The following DNAH5 variants were observed in gnomAD, a reference collection of about 807,000 sequenced individuals.
The protein encoded by DNAH5 is dynein axonemal heavy chain 5, also known as axonemal beta dynein heavy chain 5.
In DNAH5, 372 loss-of-function variants were observed where a neutral mutation model predicts 518.2. That is an observed-to-expected ratio of 0.72 (90% CI 0.66 to 0.78). The LOEUF is 0.78. Among genes scored for constraint, DNAH5 ranks in the 30% least tolerant of loss-of-function variants. The probability of loss-of-function intolerance (pLI) is 0.00; values close to 1 mark genes in which losing one functional copy is unlikely to be tolerated. For synonymous variants in DNAH5, 2,039 were observed against 2,025.9 expected (o/e 1.01, Z -0.17); for missense variants, 5,523 against 5,687.0 (o/e 0.97, Z 0.93).
At chr5:13,852,053 G>A (rs570074772) in intron 30 of DNAH5, among the ~76,000 whole-genome samples, 16 of 151,816 alleles carry the variant, frequency 1.1e-4, no homozygotes, top group Non-Finnish European at 1.9e-4. Flanking sequence ...CAGATACTAT[G>A]CTTTCCCCAT....
At chr5:13,920,395 G>A in intron 6 of DNAH5, 85 bp downstream of exon 6, 1 of 1,562,582 alleles carries the variant, frequency 6.4e-7, no homozygotes. Context: ...TTAACAAATG[G>A]AATGTCGTAT....
chr5:13,859,318 TTAACA>T, intron 30 of DNAH5, 129 bp downstream of exon 30: 1 of 934,210 alleles, frequency 1.1e-6, no homozygotes, highest in Non-Finnish European at 1.7e-6. Flanking sequence ...AATAACAGCA[TTAACA>T]GTGACAACAA....
Position 13,788,866 on chromosome 5 carries a change from G to A in DNAH5, c.8497C>T (p.Arg2833Cys), listed in dbSNP as rs766481283. The change falls in exon 51 of 79, where the codon CGT becomes TGT. Residue 2833 changes from arginine (R) to cysteine (C), a missense_variant. Around this residue, in one of 3 missense-constraint regions of DNAH5, gnomAD observed 5,121 missense variants for 5,223.3 expected, o/e 0.98. Transcript: ENST00000265104. The part of the protein sequence containing the change: ...KHECKRVIAD[R>C]FTVSSDVTWF... ...GTCACATCACTGGACACTGTGAAAC[G>A]GTCAGCTATAACACGTTTACACTCA... 28 of 1,613,866 alleles carry A rather than the reference G, an allele frequency of 1.7e-5. No individual in the cohort carries two copies. Among genetic ancestry groups the A allele is most frequent in the South Asian group, 2.2e-5 (2 of 91,068 alleles).
chr5:13,717,424 C>T lies in DNAH5; in HGVS notation c.12596G>A (p.Arg4199His), dbSNP rs375694023. 27 of 1,613,980 alleles carry T rather than the reference C, an allele frequency of 1.7e-5. No homozygotes were observed. Among genetic ancestry groups the T allele is most frequent in the Admixed American group, 3.3e-5 (2 of 60,006 alleles). ...AFLHSTVQER[R>H]KFGALGWNIP... ...ATTCCACCCCAGGGCACCGAACTTG[C>T]GCCTCTCCTGGACAGTGGAGTGCAG... The change falls in exon 73 of 79, where the codon CGC (arginine) becomes CAC (histidine). Residue 4199 changes from arginine to histidine, a missense_variant. Coordinates refer to ENST00000265104, the MANE Select transcript of DNAH5 (RefSeq NM_001369.3).
In DNAH5 at chr5:13,714,486, C is replaced by T. The variant is rs1744024775; in HGVS notation, c.13044G>A (p.Gly4348=). The part of the protein sequence containing the change: ...GIQPKDTSGG[G]DETREAVVAR... ...CCACCACCGCCTCCCGGGTCTCATC[C>T]CCTCCACCAGAGGTGTCCTTGGGTT... Residue 4348 remains glycine (G), a synonymous_variant, in exon 75 of 79, where the codon GGG becomes GGA. Coordinates refer to ENST00000265104, the MANE Select transcript of DNAH5 (RefSeq NM_001369.3). 2 of 1,613,998 alleles carry T rather than the reference C, an allele frequency of 1.2e-6. No homozygotes were observed. Among genetic ancestry groups the T allele is most frequent in the African/African-American group, 1.3e-5 (1 of 74,900 alleles).
At chr5:14,007,038 C>T (rs892513859) in intron 1 of DNAH5, among the ~76,000 whole-genome samples, 4 of 152,198 alleles carry the variant, frequency 2.6e-5, no homozygotes, top group African/African-American at 7.2e-5. Context: ...AGGCCCTCCA[C>T]GCCCTCTCCA....
At position 13,867,995 on chromosome 5, in the gene DNAH5, A is replaced by T. The variant is rs376631255; in HGVS notation, c.3835-3T>A. Reference sequence around the variant, plus strand: ...CTGTTAAGCAGGGCATAAGATTCCTAAAAAAAAATAGGAAAAACTTAATTT... The same window carrying T: ...CTGTTAAGCAGGGCATAAGATTCCTTAAAAAAAATAGGAAAAACTTAATTT... On this transcript the variant is annotated splice_region_variant and splice_polypyrimidine_tract_variant and intron_variant, in intron 24 of 78. Transcript: ENST00000265104. 6 of 516,202 alleles carry T rather than the reference A, an allele frequency of 1.2e-5. No homozygotes were observed. Among genetic ancestry groups the T allele is most frequent in the Admixed American group, 7.1e-5 (2 of 28,162 alleles). The allele number at this position is 516,202 out of a possible 1,614,324, so 32.0% of individuals were successfully genotyped here.
chr5:13,827,849 T>C (rs1462451670), intron 38 of DNAH5, among the ~76,000 whole-genome samples: 1 of 152,132 alleles, frequency 6.6e-6, no homozygotes, highest in East Asian at 1.9e-4. Context: ...TGAGTTCTCA[T>C]GAGATCTGAC....
chr5:13,838,294 G>T (rs925339921), intron 35 of DNAH5, among the ~76,000 whole-genome samples: 2 of 152,164 alleles, frequency 1.3e-5, no homozygotes, highest in African/African-American at 4.8e-5. Flanking sequence ...GGAGCTGAAT[G>T]AGGACAGAGT....
intron 3 of DNAH5, among the ~76,000 whole-genome samples, chr5:13,924,631 C>T (rs2053685): frequency 0.43 from 64,010 of 149,924 alleles, 14,290 homozygotes; most frequent in East Asian, 0.85. Context: ...GCCAAGATCA[C>T]ACCATTGCAC....
At chr5:13,947,066 A>G (rs1779985323), upstream of DNAH5, among the ~76,000 whole-genome samples, 1 of 152,262 alleles carries the variant, frequency 6.6e-6, no homozygotes, top group African/African-American at 2.4e-5. Flanking sequence ...TGTACATTTC[A>G]TAATCAATAA....
intron 47 of DNAH5, among the ~76,000 whole-genome samples, 161 bp from the exon 48 acceptor site, chr5:13,794,219 A>C (rs1010084920): frequency 8.5e-5 from 13 of 152,252 alleles, no homozygotes; most frequent in Non-Finnish European, 2.9e-5. Flanking sequence ...AAGTACCTAA[A>C]TTATCTTGTA....
Position 13,739,432 on chromosome 5 carries a change from G to A in DNAH5, c.11212-1937C>T, listed in dbSNP as rs137956124. On this transcript the variant is annotated intron_variant, in intron 65 of 78. Coordinates refer to ENST00000265104, the MANE Select transcript of DNAH5 (RefSeq NM_001369.3). Reference sequence around the variant, plus strand: ...GGTCCCTGCTTCTCCTTTGCCTTCCGCCATGATTGTAAGTTTCCTGAGGCC... The same window carrying A: ...GGTCCCTGCTTCTCCTTTGCCTTCCACCATGATTGTAAGTTTCCTGAGGCC... 2.6e-3 allele frequency among the ~76,000 whole-genome samples: 399 copies of A among 152,138 alleles called. 3 individuals carry two copies. The highest frequency in any genetic ancestry group is 8.7e-3 in the African/African-American group (360 of 41,520).
intron 73 of DNAH5, 56 bp downstream of exon 73, chr5:13,717,259 C>T: frequency 6.5e-7 from 1 of 1,529,746 alleles, no homozygotes; most frequent in East Asian, 2.3e-5. Context: ...GTCCCGTGAG[C>T]TTGATGGCCC....
chr5:13,730,045 T>C (rs372112214), intron 68 of DNAH5, among the ~76,000 whole-genome samples: 3 of 152,336 alleles, frequency 2.0e-5, no homozygotes, highest in East Asian at 3.9e-4. Context: ...TAGTACTAGA[T>C]GTTTGAAGGA....
chr5:13,699,200 C>A (rs1293565663), intron 78 of DNAH5, among the ~76,000 whole-genome samples: 1 of 152,212 alleles, frequency 6.6e-6, no homozygotes, highest in Non-Finnish European at 1.5e-5. Context: ...ATCTCAAAAG[C>A]AATCACCCCT....
chr5:13,732,573 T>G (rs1746755235), intron 68 of DNAH5, among the ~76,000 whole-genome samples: 3 of 152,152 alleles, frequency 2.0e-5, no homozygotes, highest in Non-Finnish European at 4.4e-5. Flanking sequence ...TTCACCATGT[T>G]GGCCAGGCTG....
chr5:13,824,257 A>C lies in DNAH5; in HGVS notation c.6521T>G (p.Met2174Arg). 6.2e-7 allele frequency: 1 copy of C among 1,614,124 alleles called. No homozygotes were observed. Among genetic ancestry groups the C allele is most frequent in the Non-Finnish European group, 8.5e-7 (1 of 1,179,980 alleles). The change falls in exon 39 of 79, where the codon ATG becomes AGG. Residue 2174 changes from methionine to arginine, a missense_variant. Met to Arg is a moderately conservative substitution (Grantham distance 91, BLOSUM62 -1). Coordinates refer to ENST00000265104, the MANE Select transcript of DNAH5 (RefSeq NM_001369.3). ...CATGACAATCGTGGACTCCGTATCC[A>C]TTGGATTGGCTCTTTTTGCTGCTCC... ...TLGAAKRANP[M>R]DTESTIVMRV...
chr5:13,788,537 C>G (rs1199709219), intron 51 of DNAH5, among the ~76,000 whole-genome samples, 179 bp downstream of exon 51: 1 of 152,184 alleles, frequency 6.6e-6, no homozygotes, highest in Non-Finnish European at 1.5e-5. Context: ...TCTTTAAACT[C>G]CATGATAATG....
Sources: allele counts gnomAD v4.1 joint callset (sites outside exome capture counted in the v4.1 genomes callset), GRCh38; gene constraint gnomAD v4.1.1; regional missense constraint gnomAD v4.1.1; transcripts MANE v1.5; gene names NCBI Gene and HGNC (gene_info 2026-07-23, HGNC 2026-07-21).